Variants in ARHGAP20 observed in about 807,000 individuals in gnomAD.
ARHGAP20 encodes rho GTPase-activating protein 20.
Under a neutral mutation model 73.7 loss-of-function variants are expected in ARHGAP20, and 34 were observed. The observed-to-expected ratio is 0.46, with a 90% CI of 0.35 to 0.61. ARHGAP20 has a LOEUF of 0.61. Among genes scored for constraint, ARHGAP20 ranks in the 20% least tolerant of loss-of-function variants. The probability of loss-of-function intolerance (pLI) is 0.00; values close to 1 mark genes in which losing one functional copy is unlikely to be tolerated. For synonymous variants in ARHGAP20, 523 were observed against 518.2 expected (o/e 1.01, Z -0.13); for missense variants, 1,314 against 1,420.9 (o/e 0.92, Z 1.21).
chr11:110,665,939 A>G (rs1949714535), intron 2 of ARHGAP20, among the ~76,000 whole-genome samples: 1 of 152,084 alleles, frequency 6.6e-6, no homozygotes, highest in Non-Finnish European at 1.5e-5. Context: ...CTACCAGATA[A>G]GTGAATTTAA....
At chr11:110,594,634 C>T (rs1565428074) in intron 9 of ARHGAP20, among the ~76,000 whole-genome samples, 1 of 150,818 alleles carries the variant, frequency 6.6e-6, no homozygotes, top group Non-Finnish European at 1.5e-5. Context: ...TTTAAAAAAA[C>T]AAAACAAAAA....
chr11:110,662,284 T>TG (rs1273351171), intron 2 of ARHGAP20, among the ~76,000 whole-genome samples: 1 of 151,880 alleles, frequency 6.6e-6, no homozygotes, highest in Non-Finnish European at 1.5e-5. Context: ...AGATTCAACT[T>TG]GAACTATGTA....
intron 9 of ARHGAP20, among the ~76,000 whole-genome samples, chr11:110,603,431 A>G (rs973618843): frequency 6.6e-6 from 1 of 152,232 alleles, no homozygotes; most frequent in African/African-American, 2.4e-5. Context: ...CAGTGCTTAC[A>G]TACAAAGTTT....
chr11:110,673,259 C>T (rs979840373), intron 2 of ARHGAP20, among the ~76,000 whole-genome samples: 5 of 152,062 alleles, frequency 3.3e-5, no homozygotes, highest in South Asian at 2.1e-4. Context: ...AAGTCCACAA[C>T]ATAAGTGGGA....
chr11:110,686,392 A>G (rs1043226296), intron 2 of ARHGAP20, among the ~76,000 whole-genome samples: 1 of 152,166 alleles, frequency 6.6e-6, no homozygotes, highest in Admixed American at 6.5e-5. Context: ...TCACTTCTGA[A>G]CAGGCAAGAA....
chr11:110,607,429 C>G (rs561369155), intron 8 of ARHGAP20, among the ~76,000 whole-genome samples: 1 of 152,122 alleles, frequency 6.6e-6, no homozygotes, highest in Non-Finnish European at 1.5e-5. Flanking sequence ...AAAAACTAAA[C>G]CCTGGACATC....
At chr11:110,584,139 A>G (rs1222501450) in intron 12 of ARHGAP20, among the ~76,000 whole-genome samples, 1 of 152,224 alleles carries the variant, frequency 6.6e-6, no homozygotes, top group Non-Finnish European at 1.5e-5. Context: ...TAAAATGCTC[A>G]TTTAAGTAGC....
chr11:110,711,748 G>A (rs1950662566), intron 1 of ARHGAP20: 3 of 1,362,416 alleles, frequency 2.2e-6, no homozygotes, highest in Non-Finnish European at 2.8e-6. Context: ...TGCTCGCCCA[G>A]GCCACTTCGG....
chr11:110,690,504 T>A (rs770689228), intron 2 of ARHGAP20, 43 bp downstream of exon 2: 8 of 1,557,618 alleles, frequency 5.1e-6, no homozygotes, highest in Admixed American at 1.7e-5. Flanking sequence ...AATATAAACT[T>A]CCAAGCACAT....
intron 1 of ARHGAP20, among the ~76,000 whole-genome samples, chr11:110,703,038 C>A (rs115967463): frequency 7.9e-5 from 12 of 151,992 alleles, no homozygotes; most frequent in East Asian, 1.9e-4. Context: ...TTACTTTTAA[C>A]CTTGCACCTT....
intron 2 of ARHGAP20, among the ~76,000 whole-genome samples, chr11:110,652,830 C>T (rs1440114282): frequency 2.0e-5 from 3 of 152,054 alleles, no homozygotes; most frequent in African/African-American, 7.2e-5. Context: ...TACTAAAAGA[C>T]TATAGTAACC....
chr11:110,675,021 C>CA (rs1373487735), intron 2 of ARHGAP20, among the ~76,000 whole-genome samples: 1 of 152,190 alleles, frequency 6.6e-6, no homozygotes, highest in Non-Finnish European at 1.5e-5. Flanking sequence ...CTGCACCCAT[C>CA]AACCCATCAC....
intron 4 of ARHGAP20, among the ~76,000 whole-genome samples, chr11:110,616,848 CT>C (rs1159677341): frequency 6.6e-6 from 1 of 152,098 alleles, no homozygotes; most frequent in Non-Finnish European, 1.5e-5. Context: ...AAGAGCTTTG[CT>C]TCAGACCTGC....
chr11:110,648,240 A>AATATAT (rs1170735606), intron 2 of ARHGAP20, among the ~76,000 whole-genome samples: 2 of 92,718 alleles, frequency 2.2e-5, no homozygotes, highest in Admixed American at 2.2e-4. Context: ...TATATATGTA[A>AATATAT]ATATATATAT....
At chr11:110,667,906 A>G (rs1286139424) in intron 2 of ARHGAP20, among the ~76,000 whole-genome samples, 3 of 152,206 alleles carry the variant, frequency 2.0e-5, no homozygotes, top group African/African-American at 7.2e-5. Context: ...CAATCTCACA[A>G]TAAAGTTGCT....
Position 110,590,638 on chromosome 11 carries a change from CTCT to C in ARHGAP20, c.1305+7_1305+9del. ...CACCATGGGGTGGATAAAGGGATGA[CTCT>C]TCTTACCTTTAAGACAGATGCTATC... On this transcript the variant is annotated splice_region_variant and intron_variant, in intron 11 of 14. Coordinates refer to ENST00000683387, the MANE Select transcript of ARHGAP20 (RefSeq NM_001384657.1). 6.2e-7 allele frequency: 1 copy of C among 1,609,060 alleles called. No individual in the cohort carries two copies. The highest frequency in any genetic ancestry group is 8.5e-7 in the Non-Finnish European group (1 of 1,177,866).
intron 11 of ARHGAP20, among the ~76,000 whole-genome samples, chr11:110,587,052 T>C (rs777889541): frequency 6.6e-6 from 1 of 152,238 alleles, no homozygotes; most frequent in Non-Finnish European, 1.5e-5. Flanking sequence ...CTGAGACCAC[T>C]GGCAGGGCTG....
intron 11 of ARHGAP20, 53 bp downstream of exon 11, chr11:110,590,595 C>A: frequency 1.3e-6 from 2 of 1,482,144 alleles, no homozygotes; most frequent in South Asian, 1.4e-5. Flanking sequence ...AGTAAAACAC[C>A]CTCTTTCTCT....
At chr11:110,628,697 T>C (rs1948798980) in intron 3 of ARHGAP20, among the ~76,000 whole-genome samples, 1 of 152,190 alleles carries the variant, frequency 6.6e-6, no homozygotes, top group Admixed American at 6.5e-5. Flanking sequence ...TTTAAATCAA[T>C]TGATAGAATT....
Sources: allele counts gnomAD v4.1 joint callset (sites outside exome capture counted in the v4.1 genomes callset), GRCh38; gene constraint gnomAD v4.1.1; transcripts MANE v1.5; gene names NCBI Gene and HGNC (gene_info 2026-07-23, HGNC 2026-07-21).